Variants in LRRC8C observed in about 807,000 individuals in gnomAD.
LRRC8C encodes volume-regulated anion channel subunit LRRC8C.
A neutral mutation model predicts 55.3 loss-of-function variants in LRRC8C; 20 were observed. The observed-to-expected ratio is 0.36, with a 90% CI of 0.25 to 0.53. The LOEUF (loss-of-function observed/expected upper bound fraction) is 0.53. Ranked by LOEUF, LRRC8C falls within the 20% of genes least tolerant of loss-of-function variation. LRRC8C has a pLI of 0.92. For missense variants in LRRC8C, 659 were observed against 951.4 expected (o/e 0.69, Z 4.04); for synonymous variants, 376 against 360.7 (o/e 1.04, Z -0.48).
intron 2 of LRRC8C, among the ~76,000 whole-genome samples, chr1:89,696,692 A>C (rs1336137726): frequency 6.6e-6 from 1 of 152,132 alleles, no homozygotes. Flanking sequence ...AGAAGCTCTA[A>C]AGAGAGAGTC....
rs142399220 is a variant in LRRC8C at position 89,713,152 on chromosome 1, C to G, written c.582C>G (p.Asn194Lys). 1 of 1,614,182 alleles carries G rather than the reference C, an allele frequency of 6.2e-7. No individual in the cohort carries two copies. The highest frequency in any genetic ancestry group is 2.2e-5 in the East Asian group (1 of 44,888). ...EEKDNRKNNM[N>K]RSNTIQSGPE... ...AGGACAACAGGAAGAACAACATGAA[C>G]AGGTCCAACACCATCCAATCTGGTC... Residue 194 changes from asparagine to lysine, a missense_variant, in exon 3 of 3, where the codon AAC (asparagine) becomes AAG (lysine). Asn to Lys is a moderately conservative substitution (Grantham distance 94). This residue lies in a region of LRRC8C where 200 missense variants were observed against 360.5 expected (regional missense o/e 0.55). Coordinates refer to ENST00000370454, the MANE Select transcript of LRRC8C (RefSeq NM_032270.5). The surrounding 1 kb of genome is among the most constrained non-coding windows in gnomAD (Gnocchi z 5.2).
intron 1 of LRRC8C, among the ~76,000 whole-genome samples, chr1:89,672,285 C>G (rs1047145394): frequency 1.4e-4 from 21 of 152,164 alleles, no homozygotes; most frequent in Non-Finnish European, 2.8e-4. Context: ...CATATACTGT[C>G]AGAGTGACCT....
chr1:89,669,238 T>C (rs2101233491), intron 1 of LRRC8C, among the ~76,000 whole-genome samples: 1 of 151,022 alleles, frequency 6.6e-6, no homozygotes, highest in East Asian at 2.0e-4. Flanking sequence ...GTCAAATTAA[T>C]AAAATCAAAG....
intron 1 of LRRC8C, chr1:89,661,192 C>T (rs1383152804): frequency 4.8e-6 from 1 of 210,424 alleles, no homozygotes; most frequent in Non-Finnish European, 9.8e-6. Context: ...TCTAAAGCAG[C>T]TTTATAGTGA....
At chr1:89,712,667 CTT>C (rs150281103) in intron 2 of LRRC8C, 40 bp from the exon 3 acceptor site, 1 of 1,445,446 alleles carries the variant, frequency 6.9e-7, no homozygotes, top group African/African-American at 1.4e-5. Flanking sequence ...TATGAAAGCT[CTT>C]TGAGTAATAT....
At chr1:89,622,120 T>C in the LRRC8C span, among the ~76,000 whole-genome samples, 1,572 of 152,238 alleles carry the variant, frequency 0.01, 25 homozygotes, top group African/African-American at 0.035. Flanking sequence ...TTTAAAATAC[T>C]GTGATGTTTT....
chr1:89,650,806 C>T (rs1238710567), intron 1 of LRRC8C, among the ~76,000 whole-genome samples: 1 of 152,176 alleles, frequency 6.6e-6, no homozygotes, highest in African/African-American at 2.4e-5. Flanking sequence ...ACTTACATCC[C>T]TCCAATATCA....
At position 89,716,313 on chromosome 1, in the gene LRRC8C, T is replaced by C. The variant is rs1658816946; in HGVS notation, c.*1331T>C. 1.3e-5 allele frequency: 2 copies of C among 152,206 alleles called. No homozygotes were observed. The highest frequency in any genetic ancestry group is 4.1e-4 in the South Asian group (2 of 4,828). The allele number at this position is 152,206 out of a possible 1,614,324, so 9.4% of individuals were successfully genotyped here. On this transcript the variant is annotated 3_prime_UTR_variant, in exon 3 of 3. Transcript: ENST00000370454. ...GCATCCTGGAATCAATTCCCCATGA[T>C]ACCGAGGGATGACTGGATATTAATC... is the stretch of plus-strand genomic sequence containing the variant.
At chr1:89,640,318 T>C (rs1656419166) in intron 1 of LRRC8C, among the ~76,000 whole-genome samples, 1 of 152,116 alleles carries the variant, frequency 6.6e-6, no homozygotes, top group African/African-American at 2.4e-5. Context: ...CCACCTCAGC[T>C]TCCCAAAGTG....
chr1:89,616,012 G>C, the LRRC8C span, among the ~76,000 whole-genome samples: 4 of 152,064 alleles, frequency 2.6e-5, no homozygotes, highest in Non-Finnish European at 4.4e-5. Context: ...CCAGTCCACA[G>C]ACTGTTCAAC....
chr1:89,690,794 G>A lies in LRRC8C; in HGVS notation c.138+4183G>A, dbSNP rs145717364. Among the ~76,000 whole-genome samples the A allele has an allele frequency of 3.1e-4, 47 of 152,088 alleles. 1 individual carries two copies. The East Asian group carries it at 7.6e-3, about 25-fold the overall frequency. On this transcript the variant is annotated intron_variant, in intron 2 of 2. Transcript: ENST00000370454. Reference sequence around the variant, plus strand: ...AGTCCAGAAGGCTTTTGGGCTCCCCGCTGACCAGCCTTCTCAGCACCACCA... The same window carrying A: ...AGTCCAGAAGGCTTTTGGGCTCCCCACTGACCAGCCTTCTCAGCACCACCA...
intron 2 of LRRC8C, among the ~76,000 whole-genome samples, chr1:89,703,853 C>A (rs1298829548): frequency 1.3e-5 from 2 of 151,672 alleles, no homozygotes; most frequent in Non-Finnish European, 2.9e-5. Context: ...GAAATAAGTC[C>A]AAATATCCAA....
chr1:89,662,391 C>T (rs1051577797), intron 1 of LRRC8C, among the ~76,000 whole-genome samples: 10 of 152,010 alleles, frequency 6.6e-5, no homozygotes, highest in East Asian at 3.9e-4. Context: ...TAAAGATTTT[C>T]GCTTTTTCAC....
intron 1 of LRRC8C, among the ~76,000 whole-genome samples, chr1:89,652,432 A>G (rs1207039981): frequency 6.6e-6 from 1 of 152,186 alleles, no homozygotes; most frequent in African/African-American, 2.4e-5. Context: ...AAGAATAATA[A>G]TTTTGAAGCT....
intron 2 of LRRC8C, among the ~76,000 whole-genome samples, chr1:89,696,363 G>A (rs1048179168): frequency 6.6e-6 from 1 of 152,124 alleles, no homozygotes; most frequent in African/African-American, 2.4e-5. Context: ...AAGTGGGGGT[G>A]TGGTAGGGAG....
chr1:89,616,176 C>G, the LRRC8C span, among the ~76,000 whole-genome samples: 1 of 152,056 alleles, frequency 6.6e-6, no homozygotes, highest in African/African-American at 2.4e-5. Flanking sequence ...AGGTCCCAGC[C>G]AATGGTGCCA....
rs1445272074 is a variant in LRRC8C, at chr1:89,714,727, A to G, written c.2157A>G (p.Glu719=). 2 of 1,614,034 alleles carry G rather than the reference A, an allele frequency of 1.2e-6. No individual in the cohort carries two copies. The highest frequency in any genetic ancestry group is 1.7e-5 in the Admixed American group (1 of 59,992). Residue 719 remains glutamate (E), a synonymous_variant, in exon 3 of 3, where the codon GAA becomes GAG. Transcript: ENST00000370454. This position sits in a 1 kb window ranked among gnomAD's most constrained non-coding sequence, Gnocchi z 4.6. ...QYFSITCNKV[E]SLPDELYFCK... ...TTTCCATCACATGTAACAAAGTGGA[A>G]AGCCTTCCAGATGAACTCTACTTCT...
chr1:89,702,515 A>C (rs1337699026), intron 2 of LRRC8C, among the ~76,000 whole-genome samples: 3 of 152,200 alleles, frequency 2.0e-5, no homozygotes, highest in African/African-American at 7.2e-5. Flanking sequence ...CAGGCGGATC[A>C]CTTGAGCCCA....
At chr1:89,705,475 AAAAT>A (rs1164744901) in intron 2 of LRRC8C, among the ~76,000 whole-genome samples, 146 of 151,938 alleles carry the variant, frequency 9.6e-4, no homozygotes, top group African/African-American at 3.1e-3. Flanking sequence ...AAAATAAAAT[AAAAT>A]AAATAAATAA....
Sources: allele counts gnomAD v4.1 joint callset (sites outside exome capture counted in the v4.1 genomes callset), GRCh38; gene constraint gnomAD v4.1.1; regional missense constraint gnomAD v4.1.1; non-coding constraint Gnocchi (gnomAD v3.1); transcripts MANE v1.5; gene names NCBI Gene and HGNC (gene_info 2026-07-23, HGNC 2026-07-21).